Variants in PDSS2 observed in about 807,000 individuals in gnomAD.
PDSS2 encodes the protein decaprenyl diphosphate synthase subunit 2, also known as all trans-polyprenyl-diphosphate synthase PDSS2.
Under a neutral mutation model 44.5 loss-of-function variants are expected in PDSS2, and 31 were observed. That is an observed-to-expected ratio of 0.70 (90% CI 0.52 to 0.94). The LOEUF (loss-of-function observed/expected upper bound fraction) is 0.94, where lower values mean the gene tolerates loss of function less well. Ranked by LOEUF, PDSS2 falls within the 40% of genes least tolerant of loss-of-function variation. PDSS2 has a pLI of 0.00. For missense variants in PDSS2, 452 were observed against 482.2 expected, an observed-to-expected ratio of 0.94 and a Z score of 0.59; for synonymous variants, 157 against 180.3, an observed-to-expected ratio of 0.87 and a Z score of 1.03.
intron 1 of PDSS2, among the ~76,000 whole-genome samples, chr6:107,348,899 G>C (rs1778337692): frequency 6.6e-6 from 1 of 152,070 alleles, no homozygotes; most frequent in South Asian, 2.1e-4. Context: ...CAGTACTACT[G>C]TTATCCTAAT....
At chr6:107,273,890 G>GAAA (rs1775684428) in intron 3 of PDSS2, 139 bp downstream of exon 3, 2 of 718,830 alleles carry the variant, frequency 2.8e-6, no homozygotes, top group Non-Finnish European at 5.0e-6. Flanking sequence ...CCATCATTAT[G>GAAA]TTCATCACAG....
At chr6:107,423,973 T>C (rs1054111563) in intron 1 of PDSS2, among the ~76,000 whole-genome samples, 1 of 151,834 alleles carries the variant, frequency 6.6e-6, no homozygotes, top group Admixed American at 6.6e-5. Flanking sequence ...TGAAGTCCTG[T>C]AGCACTTAGC....
chr6:107,197,766 T>A, intron 6 of PDSS2: 1 of 466,432 alleles, frequency 2.1e-6, no homozygotes, highest in Non-Finnish European at 4.5e-6. Flanking sequence ...CTGTCAATGT[T>A]GCCTCTCTTC....
At chr6:107,164,929 A>AT (rs1372558181) in intron 7 of PDSS2, among the ~76,000 whole-genome samples, 2 of 151,990 alleles carry the variant, frequency 1.3e-5, no homozygotes, top group African/African-American at 4.8e-5. Context: ...GATGATGAGC[A>AT]TTTTTTCATG....
At chr6:107,418,283 G>A (rs1780725922) in intron 1 of PDSS2, among the ~76,000 whole-genome samples, 1 of 152,226 alleles carries the variant, frequency 6.6e-6, no homozygotes, top group Non-Finnish European at 1.5e-5. Flanking sequence ...GAGAGGAGAT[G>A]TGAGGACAGA....
Position 107,225,161 on chromosome 6 carries a change from ATTTTTTTTTTTTTTT to A in PDSS2, c.703-12894_703-12880del, listed in dbSNP as rs71012786. On this transcript the variant is annotated intron_variant, in intron 4 of 7. Transcript: ENST00000369037. ...TTTATATATATATATATATATATAT[ATTTTTTTTTTTTTTT>A]TTTTTTTTTTTTTGAGACAGAGTGT... Among the ~76,000 whole-genome samples, 34 of 50,394 alleles carry A rather than the reference ATTTTTTTTTTTTTTT, an allele frequency of 6.7e-4. 1 individual carries two copies. Among genetic ancestry groups the A allele is most frequent in the African/African-American group, 2.1e-3 (19 of 9,180 alleles). The allele number at this position is 50,394 out of a possible 152,430, so 33.1% of individuals were successfully genotyped here.
chr6:107,301,307 G>A (rs1489708255), intron 2 of PDSS2, among the ~76,000 whole-genome samples: 1 of 152,184 alleles, frequency 6.6e-6, no homozygotes, highest in African/African-American at 2.4e-5. Flanking sequence ...TGCCCGGTGT[G>A]TGCAGTGTGA....
intron 7 of PDSS2, among the ~76,000 whole-genome samples, chr6:107,160,204 C>T (rs547306710): frequency 1.5e-3 from 230 of 152,058 alleles, no homozygotes; most frequent in African/African-American, 5.1e-3. Flanking sequence ...GGCTGCAGTG[C>T]GACTCTGTCT....
chr6:107,192,285 A>G, intron 7 of PDSS2: 2 of 431,946 alleles, frequency 4.6e-6, no homozygotes, highest in South Asian at 3.6e-5. Context: ...GGAGGCAGAT[A>G]AAAGGAGAGA....
intron 2 of PDSS2, among the ~76,000 whole-genome samples, chr6:107,316,993 A>G (rs1777223043): frequency 6.6e-6 from 1 of 152,234 alleles, no homozygotes; most frequent in South Asian, 2.1e-4. Context: ...TATATTGTTG[A>G]ACTGCAGAAA....
intron 7 of PDSS2, among the ~76,000 whole-genome samples, chr6:107,156,459 G>T (rs1770901649): frequency 6.6e-6 from 1 of 152,136 alleles, no homozygotes; most frequent in Non-Finnish European, 1.5e-5. Context: ...CTCCCAAAGT[G>T]CTGGGATTAC....
chr6:107,282,230 G>A (rs1172614762), intron 2 of PDSS2, among the ~76,000 whole-genome samples: 3 of 151,990 alleles, frequency 2.0e-5, no homozygotes, highest in Non-Finnish European at 4.4e-5. Flanking sequence ...AAGGCTATAG[G>A]GCATCACTAT....
chr6:107,364,391 G>A (rs943962898), intron 1 of PDSS2, among the ~76,000 whole-genome samples: 5 of 151,458 alleles, frequency 3.3e-5, no homozygotes, highest in African/African-American at 7.4e-5. Context: ...CCTGCCCCGC[G>A]GGAAGGCAGC....
In PDSS2 at chr6:107,307,372, G is replaced by A. The variant is rs553115017; in HGVS notation, c.431+26826C>T. On this transcript the variant is annotated intron_variant, in intron 2 of 7. Coordinates refer to ENST00000369037, the MANE Select transcript of PDSS2 (RefSeq NM_020381.4). Reference sequence around the variant, plus strand: ...AGAATACATGAACTTTTTCACAAAGGGATAGAACTACGCATTCAAATCAGC... The same window carrying A: ...AGAATACATGAACTTTTTCACAAAGAGATAGAACTACGCATTCAAATCAGC... Among the ~76,000 whole-genome samples the A allele has an allele frequency of 5.8e-4, 88 of 152,168 alleles. 1 individual carries two copies. The highest frequency in any genetic ancestry group is 2.0e-3 in the African/African-American group (82 of 41,492).
chr6:107,161,729 T>G (rs1215985159), intron 7 of PDSS2, among the ~76,000 whole-genome samples: 2 of 152,126 alleles, frequency 1.3e-5, no homozygotes, highest in Non-Finnish European at 2.9e-5. Context: ...GGCCACAAAG[T>G]GTTAAATATT....
chr6:107,405,214 T>C (rs1015010406), intron 1 of PDSS2, among the ~76,000 whole-genome samples: 2 of 152,048 alleles, frequency 1.3e-5, no homozygotes, highest in African/African-American at 4.8e-5. Context: ...GGAGAAATAG[T>C]CTTTCCTAGA....
chr6:107,292,902 T>C (rs1228951101), intron 2 of PDSS2, among the ~76,000 whole-genome samples: 1 of 151,814 alleles, frequency 6.6e-6, no homozygotes, highest in East Asian at 1.9e-4. Flanking sequence ...TACTTTGGGG[T>C]TTGCATGTCA....
At position 107,388,393 on chromosome 6, in the gene PDSS2, C is replaced by A. The variant is rs115944943; in HGVS notation, c.297-54061G>T. 3.1e-3 allele frequency among the ~76,000 whole-genome samples: 466 copies of A among 151,662 alleles called. 1 individual carries two copies. The highest frequency in any genetic ancestry group is 0.011 in the African/African-American group (454 of 41,332). On this transcript the variant is annotated intron_variant, in intron 1 of 7. Coordinates refer to ENST00000369037, the MANE Select transcript of PDSS2 (RefSeq NM_020381.4). ...ATACAACCTAAAAATCATGCTCCTA[C>A]GTATTTATTCAAGTGAACTGAAAAC...
chr6:107,303,289 C>T (rs1274258798), intron 2 of PDSS2, among the ~76,000 whole-genome samples: 1 of 152,180 alleles, frequency 6.6e-6, no homozygotes, highest in African/African-American at 2.4e-5. Context: ...TCTCCTAACA[C>T]TGCTACACTG....
Sources: gnomAD v4.1 joint callset for allele counts (sites outside exome capture counted in the v4.1 genomes callset) on GRCh38, gnomAD v4.1.1 for gene constraint, MANE v1.5 for transcripts, NCBI Gene and HGNC (gene_info 2026-07-23, HGNC 2026-07-21) for gene names.